Variants in SLC1A6 observed in about 807,000 individuals in gnomAD.
SLC1A6 encodes the protein excitatory amino acid transporter 4.
Under a neutral mutation model 42.1 loss-of-function variants are expected in SLC1A6, and 15 were observed. The ratio of observed to expected loss-of-function variants is 0.36; its 90% CI spans 0.24 to 0.55. The LOEUF is 0.55. Among genes scored for constraint, SLC1A6 ranks in the 20% least tolerant of loss-of-function variants. The pLI, the probability that SLC1A6 is intolerant of heterozygous loss-of-function variation, is 0.88. For missense variants in SLC1A6, 542 were observed against 772.5 expected, an observed-to-expected ratio of 0.70 and a Z score of 3.54; for synonymous variants, 317 against 319.7, an observed-to-expected ratio of 0.99 and a Z score of 0.09.
At chr19:14,966,351 G>C (rs1168509276) in intron 4 of SLC1A6, among the ~76,000 whole-genome samples, 1 of 152,102 alleles carries the variant, frequency 6.6e-6, no homozygotes, top group Non-Finnish European at 1.5e-5. Flanking sequence ...AATTAGTCCA[G>C]TGTGGTGGCG....
chr19:14,950,078 A>C lies in SLC1A6; in HGVS notation c.*117T>G, dbSNP rs2045396124. ...TTATTTCACTTTTCCCTCCCCCCTA[A>C]ATGAGTCAAGCAGAACGTGTGTTCA... On this transcript the variant is annotated 3_prime_UTR_variant, in exon 10 of 10. Coordinates refer to ENST00000594383, the MANE Select transcript of SLC1A6 (RefSeq NM_005071.3). 1.6e-6 allele frequency: 1 copy of C among 639,514 alleles called. No homozygotes were observed. The highest frequency in any genetic ancestry group is 1.8e-5 in the African/African-American group (1 of 54,090). The allele number at this position is 639,514 out of a possible 1,614,324, so 39.6% of individuals were successfully genotyped here.
intron 6 of SLC1A6, among the ~76,000 whole-genome samples, chr19:14,960,380 T>C (rs2045498746): frequency 6.6e-6 from 1 of 152,246 alleles, no homozygotes; most frequent in Non-Finnish European, 1.5e-5. Flanking sequence ...TGGATGAGTT[T>C]GTAAATAAAT....
chr19:14,964,223 C>T, intron 5 of SLC1A6, 96 bp downstream of exon 5: 1 of 1,010,512 alleles, frequency 9.9e-7, no homozygotes, highest in South Asian at 1.3e-5. Context: ...TCTGTCAGGC[C>T]CTTCCTCCCG....
At chr19:14,988,737 T>C (rs8099849) in intron 1 of SLC1A6, among the ~76,000 whole-genome samples, 107,828 of 152,014 alleles carry the variant, frequency 0.71, 38,723 homozygotes, top group African/African-American at 0.83. Flanking sequence ...AAATACTAGC[T>C]GGTGTGGTGG....
At chr19:14,994,980 T>A (rs1356134688) in intron 1 of SLC1A6, among the ~76,000 whole-genome samples, 1 of 152,050 alleles carries the variant, frequency 6.6e-6, no homozygotes, top group Non-Finnish European at 1.5e-5. Flanking sequence ...AGACAAACAC[T>A]GCATGATCTC....
intron 7 of SLC1A6, among the ~76,000 whole-genome samples, chr19:14,955,933 T>A (rs1568284429): frequency 6.6e-6 from 1 of 151,580 alleles, no homozygotes; most frequent in Admixed American, 6.6e-5. Context: ...AGACTCTGTC[T>A]CAAAAAAAAG....
chr19:14,975,881 GAAGGGAAGGGAAGGA>G (rs1568294711), intron 1 of SLC1A6, among the ~76,000 whole-genome samples: 2 of 136,284 alleles, frequency 1.5e-5, no homozygotes, highest in African/African-American at 5.6e-5. Context: ...AAAGGGAAGG[GAAGGGAAGGGAAGGA>G]AAGGGAAGGG....
intron 1 of SLC1A6, among the ~76,000 whole-genome samples, chr19:15,010,007 G>A (rs569348410): frequency 7.1e-5 from 7 of 98,246 alleles, no homozygotes; most frequent in South Asian, 8.4e-4. Flanking sequence ...GCGAAACCCC[G>A]TCTCTACTAA....
intron 1 of SLC1A6, among the ~76,000 whole-genome samples, chr19:14,997,011 G>T (rs1226037414): frequency 6.6e-6 from 1 of 152,140 alleles, no homozygotes; most frequent in East Asian, 1.9e-4. Context: ...GAAAAGTCAA[G>T]CTGGGAACTA....
At chr19:14,962,366 G>A (rs1189483331) in intron 5 of SLC1A6, 21 bp from the exon 6 acceptor site, 24 of 1,579,756 alleles carry the variant, frequency 1.5e-5, no homozygotes, top group Non-Finnish European at 1.8e-5. Flanking sequence ...GAGAGATTGC[G>A]CCCAGATTCA....
chr19:14,976,472 C>T (rs2045712339), intron 1 of SLC1A6, among the ~76,000 whole-genome samples: 1 of 152,178 alleles, frequency 6.6e-6, no homozygotes, highest in South Asian at 2.1e-4. Flanking sequence ...TACAGCAACA[C>T]ACATACAACT....
At chr19:15,000,768 C>T (rs1321389575) in intron 1 of SLC1A6, among the ~76,000 whole-genome samples, 1 of 152,192 alleles carries the variant, frequency 6.6e-6, no homozygotes, top group African/African-American at 2.4e-5. Flanking sequence ...CTCTTATACA[C>T]ATGGCCAACT....
chr19:14,964,800 T>C (rs913260113), intron 4 of SLC1A6, among the ~76,000 whole-genome samples: 1 of 152,178 alleles, frequency 6.6e-6, no homozygotes, highest in African/African-American at 2.4e-5. Context: ...ATGATTAAGG[T>C]AGAACCATGG....
chr19:14,971,649 G>C, intron 3 of SLC1A6, 88 bp downstream of exon 3: 1 of 1,325,592 alleles, frequency 7.5e-7, no homozygotes, highest in Non-Finnish European at 1.1e-6. Flanking sequence ...CAAGGAAGTG[G>C]TCCCATGCTT....
chr19:14,950,719 T>A (rs1213399656), intron 9 of SLC1A6, among the ~76,000 whole-genome samples: 1 of 151,886 alleles, frequency 6.6e-6, no homozygotes, highest in African/African-American at 2.4e-5. Flanking sequence ...GGCAGAAGAA[T>A]TGCTTGAGAC....
intron 1 of SLC1A6, among the ~76,000 whole-genome samples, chr19:14,996,576 C>G (rs916454056): frequency 2.0e-5 from 3 of 150,826 alleles, no homozygotes; most frequent in Non-Finnish European, 4.4e-5. Flanking sequence ...TCTTCCTCTT[C>G]TTCTTCTTCC....
chr19:14,971,988 C>T (rs2045645658), intron 2 of SLC1A6, 114 bp from the exon 3 acceptor site: 3 of 962,816 alleles, frequency 3.1e-6, no homozygotes, highest in South Asian at 3.1e-5. Context: ...GAGAAATATC[C>T]TATGAGTGTG....
chr19:14,994,872 G>A (rs564728679), intron 1 of SLC1A6, among the ~76,000 whole-genome samples: 2 of 138,522 alleles, frequency 1.4e-5, no homozygotes, highest in Admixed American at 7.2e-5. Context: ...CAATGGGATA[G>A]TATTCAGCCA....
Position 14,956,398 on chromosome 19 carries a change from G to A in SLC1A6, c.1169+78C>T, listed in dbSNP as rs2045463420. ...GAAGAGGTGTTTAAGGAATGGAGAG[G>A]GCAGGTGCCTTAGGAGAGGACATGA... On this transcript the variant is annotated intron_variant, in intron 7 of 9. Transcript: ENST00000594383. The A allele has an allele frequency of 7.0e-6, 6 of 862,840 alleles. No homozygotes were observed. In the East Asian group the frequency reaches 1.6e-4, roughly 23 times the overall value. The allele number at this position is 862,840 out of a possible 1,614,324, so 53.4% of individuals were successfully genotyped here.
Sources: allele counts gnomAD v4.1 joint callset (sites outside exome capture counted in the v4.1 genomes callset), GRCh38; gene constraint gnomAD v4.1.1; transcripts MANE v1.5; gene names NCBI Gene and HGNC (gene_info 2026-07-23, HGNC 2026-07-21).